ACSS3: variants seen among roughly 807,000 people sequenced by gnomAD.
ACSS3 encodes the protein acyl-CoA synthetase short chain family member 3.
In ACSS3, 64 loss-of-function variants were observed where a neutral mutation model predicts 84.2. That is an observed-to-expected ratio of 0.76 (90% confidence interval 0.62 to 0.94). The LOEUF (loss-of-function observed/expected upper bound fraction) is 0.94. Among genes scored for constraint, ACSS3 ranks in the 40% least tolerant of loss-of-function variants. The probability of loss-of-function intolerance (pLI) is 0.00; values close to 1 mark genes in which losing one functional copy is unlikely to be tolerated. For synonymous variants in ACSS3, 317 were observed against 310.1 expected (o/e 1.02, Z -0.23); for missense variants, 815 against 867.6 (o/e 0.94, Z 0.76).
At chr12:81,135,600 T>C (rs1171200438) in intron 3 of ACSS3, among the ~76,000 whole-genome samples, 2 of 151,502 alleles carry the variant, frequency 1.3e-5, no homozygotes, top group Admixed American at 1.3e-4. Flanking sequence ...ACCAGATACT[T>C]CATGTTCTCA....
intron 13 of ACSS3, among the ~76,000 whole-genome samples, chr12:81,239,271 A>T (rs1209747311): frequency 6.6e-6 from 1 of 151,938 alleles, no homozygotes; most frequent in Non-Finnish European, 1.5e-5. Flanking sequence ...TATGGCCCAA[A>T]ATGTAGTCTG....
chr12:81,213,629 CCTCA>C (rs1434277623), intron 9 of ACSS3, among the ~76,000 whole-genome samples: 2 of 21,146 alleles, frequency 9.5e-5, no homozygotes, highest in African/African-American at 3.9e-4. Flanking sequence ...CCTCCCCTCT[CCTCA>C]CCTCCTCCCC....
intron 8 of ACSS3, among the ~76,000 whole-genome samples, chr12:81,181,473 A>G (rs1465728359): frequency 2.0e-5 from 3 of 152,220 alleles, no homozygotes; most frequent in Non-Finnish European, 4.4e-5. Flanking sequence ...TGGGAATACC[A>G]GAAACATGAA....
At chr12:81,197,240 T>C (rs554816457) in intron 8 of ACSS3, among the ~76,000 whole-genome samples, 135 of 152,320 alleles carry the variant, frequency 8.9e-4, no homozygotes, top group Middle Eastern at 3.4e-3. Context: ...CAGTGATTCA[T>C]TTATACTCAG....
chr12:81,122,527 G>A (rs1593087022), intron 2 of ACSS3, among the ~76,000 whole-genome samples: 2 of 152,246 alleles, frequency 1.3e-5, no homozygotes, highest in East Asian at 3.9e-4. Flanking sequence ...AAACAAATAT[G>A]TGAGGCAATT....
At chr12:81,169,657 A>G (rs1449697252) in intron 7 of ACSS3, among the ~76,000 whole-genome samples, 1 of 152,178 alleles carries the variant, frequency 6.6e-6, no homozygotes, top group African/African-American at 2.4e-5. Context: ...TGCTATGCAT[A>G]CTATTCTGCA....
intron 9 of ACSS3, among the ~76,000 whole-genome samples, chr12:81,207,816 T>A (rs1354723711): frequency 6.6e-6 from 1 of 152,094 alleles, no homozygotes; most frequent in African/African-American, 2.4e-5. Flanking sequence ...ATGCCTTCAT[T>A]AACTCAGTGT....
chr12:81,084,016 A>T (rs1000084544), intron 1 of ACSS3, among the ~76,000 whole-genome samples: 1 of 152,148 alleles, frequency 6.6e-6, no homozygotes, highest in Non-Finnish European at 1.5e-5. Context: ...ATGGGTCAGT[A>T]TTCCTGCACA....
rs2034313168 is a variant in ACSS3 at position 81,256,714 on chromosome 12, T to C, written c.*1792T>C. The C allele has an allele frequency of 6.6e-6, 1 of 152,180 alleles. No individual in the cohort carries two copies. The highest frequency in any genetic ancestry group is 1.5e-5 in the Non-Finnish European group (1 of 68,018). 9.4% of individuals were successfully genotyped at this position (152,180 alleles called of 1,614,324 possible). On this transcript the variant is annotated 3_prime_UTR_variant, in exon 16 of 16. Transcript: ENST00000548058. Reference sequence around the variant, plus strand: ...ATAAAAAAATTCTGAAAATGTTGACTTTTTTTGGACTGAAGACTGCAAAAT... The same window carrying C: ...ATAAAAAAATTCTGAAAATGTTGACCTTTTTTGGACTGAAGACTGCAAAAT...
chr12:81,181,991 T>C (rs1192541497), intron 8 of ACSS3, among the ~76,000 whole-genome samples: 1 of 152,138 alleles, frequency 6.6e-6, no homozygotes, highest in Non-Finnish European at 1.5e-5. Context: ...ACAGCTTATT[T>C]AATGAAATAA....
intron 2 of ACSS3, among the ~76,000 whole-genome samples, chr12:81,110,065 T>G (rs559437047): frequency 5.3e-5 from 8 of 152,334 alleles, no homozygotes; most frequent in African/African-American, 1.9e-4. Context: ...TCCCTGTCAC[T>G]AGGCTCTGCT....
At chr12:81,222,673 T>C (rs2033149110) in intron 11 of ACSS3, among the ~76,000 whole-genome samples, 1 of 152,066 alleles carries the variant, frequency 6.6e-6, no homozygotes, top group Non-Finnish European at 1.5e-5. Context: ...AACCTTTTGA[T>C]CCACCTAGAT....
At chr12:81,211,600 G>T (rs1195944025) in intron 9 of ACSS3, among the ~76,000 whole-genome samples, 1 of 152,172 alleles carries the variant, frequency 6.6e-6, no homozygotes, top group African/African-American at 2.4e-5. Context: ...GAAAGCCACA[G>T]AAATCTATTA....
At chr12:81,212,178 C>A (rs2032618948) in intron 9 of ACSS3, among the ~76,000 whole-genome samples, 1 of 152,224 alleles carries the variant, frequency 6.6e-6, no homozygotes, top group Non-Finnish European at 1.5e-5. Context: ...TTACACACCA[C>A]ACATTTTACT....
intron 1 of ACSS3, among the ~76,000 whole-genome samples, chr12:81,082,605 A>G (rs1881056442): frequency 6.6e-6 from 1 of 152,196 alleles, no homozygotes; most frequent in Admixed American, 6.5e-5. Context: ...AAATGACAGA[A>G]AATTATCTTG....
chr12:81,234,437 T>C (rs1210961455), intron 13 of ACSS3, among the ~76,000 whole-genome samples: 3 of 151,414 alleles, frequency 2.0e-5, no homozygotes, highest in African/African-American at 7.3e-5. Flanking sequence ...CTGGGTTGTA[T>C]ATTAAGTGTA....
At chr12:81,200,722 A>G (rs2032058188) in intron 9 of ACSS3, among the ~76,000 whole-genome samples, 1 of 152,014 alleles carries the variant, frequency 6.6e-6, no homozygotes, top group Non-Finnish European at 1.5e-5. Context: ...CAACATGGTG[A>G]AACCCCATCT....
chr12:81,236,899 G>A (rs1316919324), intron 13 of ACSS3, among the ~76,000 whole-genome samples: 4 of 150,844 alleles, frequency 2.7e-5, no homozygotes, highest in African/African-American at 9.7e-5. Context: ...CCTTACCCTA[G>A]GTCTTATTAT....
chr12:81,115,806 A>C (rs1883994449), intron 2 of ACSS3, among the ~76,000 whole-genome samples: 1 of 152,176 alleles, frequency 6.6e-6, no homozygotes, highest in African/African-American at 2.4e-5. Context: ...TTTAGGAATC[A>C]AAGTTGAGAA....
Sources: allele counts gnomAD v4.1 joint callset (sites outside exome capture counted in the v4.1 genomes callset), GRCh38; gene constraint gnomAD v4.1.1; transcripts MANE v1.5; gene names NCBI Gene and HGNC (gene_info 2026-07-23, HGNC 2026-07-21).